Variants in CDH18 observed in about 807,000 individuals in gnomAD.
CDH18 encodes cadherin-18.
Under a neutral mutation model 67.9 loss-of-function variants are expected in CDH18, and 31 were observed. That is an observed-to-expected ratio of 0.46 (90% CI 0.34 to 0.62). CDH18 has a LOEUF of 0.62. Ranked by LOEUF, CDH18 falls within the 20% of genes least tolerant of loss-of-function variation. CDH18 has a pLI of 0.01. For missense variants in CDH18, 890 were observed against 975.5 expected, an observed-to-expected ratio of 0.91 and a Z score of 1.17; for synonymous variants, 362 against 347.2, an observed-to-expected ratio of 1.04 and a Z score of -0.48.
intron 11 of CDH18, among the ~76,000 whole-genome samples, chr5:19,498,134 T>C (rs1054075002): frequency 3.3e-5 from 5 of 152,116 alleles, no homozygotes; most frequent in African/African-American, 9.7e-5. Flanking sequence ...TCTTTGATAA[T>C]AAATTGTAAG....
intron 2 of CDH18, among the ~76,000 whole-genome samples, chr5:20,170,949 C>A (rs1269454731): frequency 6.6e-6 from 1 of 152,006 alleles, no homozygotes; most frequent in East Asian, 1.9e-4. Context: ...TAAAGGAGAT[C>A]CTGTGATATT....
At chr5:19,899,349 G>A (rs547108677) in intron 2 of CDH18, among the ~76,000 whole-genome samples, 5 of 150,654 alleles carry the variant, frequency 3.3e-5, no homozygotes, top group Non-Finnish European at 5.9e-5. Context: ...ACAGTGAGCC[G>A]AGATTGTGCC....
chr5:20,560,623 T>G (rs540103541), intron 1 of CDH18, among the ~76,000 whole-genome samples: 6 of 152,142 alleles, frequency 3.9e-5, no homozygotes, highest in African/African-American at 1.2e-4. Flanking sequence ...CATTATCAGC[T>G]TCTCCTAGTT....
intron 5 of CDH18, among the ~76,000 whole-genome samples, chr5:19,659,160 G>A (rs148044689): frequency 1.2e-4 from 19 of 152,046 alleles, no homozygotes; most frequent in East Asian, 5.8e-4. Flanking sequence ...TTAGAAAGTC[G>A]TTTATATTTA....
intron 1 of CDH18, among the ~76,000 whole-genome samples, chr5:20,400,284 C>T (rs1745648049): frequency 6.6e-6 from 1 of 151,994 alleles, no homozygotes; most frequent in South Asian, 2.1e-4. Flanking sequence ...TTGAGACCAG[C>T]TTGGCCAACA....
In CDH18 at chr5:19,473,326, G is replaced by A. The variant is rs780161955; in HGVS notation, c.2273C>T (p.Thr758Ile). 6.2e-7 allele frequency: 1 copy of A among 1,613,880 alleles called. No homozygotes were observed. The highest frequency in any genetic ancestry group is 1.7e-5 in the Admixed American group (1 of 59,940). The change falls in exon 13 of 13, where the codon ACA becomes ATA. Residue 758 changes from threonine (T) to isoleucine (I), a missense_variant. By Grantham distance (89) the Thr-to-Ile change is moderately conservative (BLOSUM62 -1). Around this residue, in one of 2 missense-constraint regions of CDH18, gnomAD observed 656 missense variants for 668.1 expected, o/e 0.98. Transcript: ENST00000382275. ...GSISSLDSAT[T>I]QSDQDYHYLG... ...GTAGTGATAATCCTGGTCTGATTGT[G>A]TCGTTGCTGAATCCAGCGAGCTGAT...
At chr5:20,367,482 T>C (rs2150079777) in intron 1 of CDH18, among the ~76,000 whole-genome samples, 1 of 152,324 alleles carries the variant, frequency 6.6e-6, no homozygotes, top group Admixed American at 6.5e-5. Context: ...CCTCTAATCC[T>C]GGGCTGCTGG....
intron 5 of CDH18, among the ~76,000 whole-genome samples, chr5:19,703,023 C>A (rs563132665): frequency 7.0e-6 from 1 of 142,926 alleles, no homozygotes; most frequent in African/African-American, 2.4e-5. Context: ...CAATGCTCAT[C>A]ACTGGCTTGC....
intron 2 of CDH18, among the ~76,000 whole-genome samples, chr5:20,183,487 C>T (rs377511192): frequency 9.9e-5 from 15 of 151,288 alleles, no homozygotes; most frequent in Non-Finnish European, 1.9e-4. Context: ...GAATAGGCAA[C>T]GATATTCTCC....
chr5:19,913,406 C>A (rs1271221053), intron 2 of CDH18, among the ~76,000 whole-genome samples: 1 of 152,056 alleles, frequency 6.6e-6, no homozygotes, highest in East Asian at 1.9e-4. Context: ...AAACTTGCAA[C>A]AAGAAAAAGT....
chr5:19,702,900 C>G (rs1763454508), intron 5 of CDH18, among the ~76,000 whole-genome samples: 1 of 152,164 alleles, frequency 6.6e-6, no homozygotes, highest in African/African-American at 2.4e-5. Flanking sequence ...CATTCCTGAA[C>G]CACAAACAAT....
At chr5:20,376,286 G>A (rs1398150005) in intron 1 of CDH18, among the ~76,000 whole-genome samples, 1 of 150,722 alleles carries the variant, frequency 6.6e-6, no homozygotes, top group Non-Finnish European at 1.5e-5. Flanking sequence ...GTAGAGACGG[G>A]GTTTCGTTAG....
At chr5:20,390,656 T>C (rs1194381508) in intron 1 of CDH18, among the ~76,000 whole-genome samples, 1 of 152,188 alleles carries the variant, frequency 6.6e-6, no homozygotes, top group South Asian at 2.1e-4. Context: ...CAAAGGATTA[T>C]AAATCATGCT....
intron 2 of CDH18, among the ~76,000 whole-genome samples, chr5:20,036,436 G>A (rs1739868564): frequency 1.3e-5 from 2 of 152,146 alleles, no homozygotes; most frequent in Admixed American, 1.3e-4. Flanking sequence ...GTGAAAAAAA[G>A]AGGAGGGAAA....
At chr5:19,782,133 A>G (rs1236206773) in intron 3 of CDH18, among the ~76,000 whole-genome samples, 2 of 152,166 alleles carry the variant, frequency 1.3e-5, no homozygotes, top group Non-Finnish European at 2.9e-5. Context: ...TGGGTGATTT[A>G]TAAAGGAAAG....
chr5:19,622,897 A>G (rs574087852), intron 5 of CDH18, among the ~76,000 whole-genome samples: 28 of 152,272 alleles, frequency 1.8e-4, no homozygotes, highest in African/African-American at 6.7e-4. Flanking sequence ...ATCCCTGCTA[A>G]ATTTCCTGGC....
intron 2 of CDH18, among the ~76,000 whole-genome samples, chr5:20,235,353 T>C (rs1347935890): frequency 6.6e-6 from 1 of 151,982 alleles, no homozygotes; most frequent in Non-Finnish European, 1.5e-5. Flanking sequence ...GCCCACAGAA[T>C]AGGAAAAACA....
intron 1 of CDH18, among the ~76,000 whole-genome samples, chr5:20,457,715 G>T (rs1049004961): frequency 1.3e-5 from 2 of 152,264 alleles, no homozygotes; most frequent in East Asian, 3.9e-4. Flanking sequence ...CAAGCCAGTA[G>T]ATCATGAATT....
Position 19,747,296 on chromosome 5 carries a change from C to T in CDH18, c.229-60G>A, listed in dbSNP as rs1195987905. 3 of 1,348,796 alleles carry T rather than the reference C, an allele frequency of 2.2e-6. No individual in the cohort carries two copies. The African/African-American group carries it at 4.4e-5, about 20-fold the overall frequency. The allele number at this position is 1,348,796 out of a possible 1,614,324, so 83.6% of individuals were successfully genotyped here. On this transcript the variant is annotated intron_variant, in intron 3 of 12. Coordinates refer to ENST00000382275, the MANE Select transcript of CDH18 (RefSeq NM_004934.5). ...TTATATTCCAACCTCACATTATGTT[C>T]TCTGAAAACTCCCTATCTATAATTA...
Sources: allele counts gnomAD v4.1 joint callset (sites outside exome capture counted in the v4.1 genomes callset), GRCh38; gene constraint gnomAD v4.1.1; regional missense constraint gnomAD v4.1.1; transcripts MANE v1.5; gene names NCBI Gene and HGNC (gene_info 2026-07-23, HGNC 2026-07-21).